Variants in CYP4X1 observed in about 807,000 individuals in gnomAD.
The protein encoded by CYP4X1 is cytochrome P450 family 4 subfamily X member 1.
In CYP4X1, 44 loss-of-function variants were observed where a neutral mutation model predicts 57.9. That is an observed-to-expected ratio of 0.76 (90% CI 0.60 to 0.98). The LOEUF (loss-of-function observed/expected upper bound fraction) is 0.98, where lower values mean the gene tolerates loss of function less well. Ranked by LOEUF, CYP4X1 falls within the 50% of genes least tolerant of loss-of-function variation. The pLI is 0.00. For synonymous variants in CYP4X1, 227 were observed against 228.6 expected, an observed-to-expected ratio of 0.99 and a Z score of 0.06; for missense variants, 532 against 623.9, an observed-to-expected ratio of 0.85 and a Z score of 1.57.
the CYP4X1 span, among the ~76,000 whole-genome samples, chr1:46,979,344 A>C: frequency 6.6e-6 from 1 of 152,234 alleles, no homozygotes; most frequent in Non-Finnish European, 1.5e-5. Flanking sequence ...AATACTATAC[A>C]CATCTCTATG....
At chr1:46,981,136 T>A in the CYP4X1 span, among the ~76,000 whole-genome samples, 1 of 151,954 alleles carries the variant, frequency 6.6e-6, no homozygotes, top group Non-Finnish European at 1.5e-5. Context: ...ACAAATGGGA[T>A]CTAATTAAAC....
At chr1:47,033,483 C>A in intron 4 of CYP4X1, 115 bp downstream of exon 4, 2 of 1,359,230 alleles carry the variant, frequency 1.5e-6, no homozygotes, top group Non-Finnish European at 2.0e-6. Context: ...AAAATTTAAC[C>A]AATGTACACG....
At chr1:47,012,332 C>T in the CYP4X1 span, among the ~76,000 whole-genome samples, 30 of 152,146 alleles carry the variant, frequency 2.0e-4, no homozygotes, top group African/African-American at 6.8e-4. Context: ...ACTGTATGTT[C>T]TCGCTTATAG....
At position 47,049,471 on chromosome 1, in the gene CYP4X1, C is replaced by A; in HGVS notation, c.1322C>A (p.Pro441His). The change falls in exon 11 of 12, where the codon CCC becomes CAC. Residue 441 changes from proline (P) to histidine (H), a missense_variant. Transcript: ENST00000371901. ...FSQENSDQRH[P>H]YAYLPFSAGS... ...CAGGAGAATTCTGATCAGAGACACCCCTATGCCTACTTACCATTCTCAGCT... is the reference window on the plus strand; with the variant it reads ...CAGGAGAATTCTGATCAGAGACACCACTATGCCTACTTACCATTCTCAGCT... 1 of 1,614,044 alleles carries A rather than the reference C, an allele frequency of 6.2e-7. No homozygotes were observed. Among genetic ancestry groups the A allele is most frequent in the Non-Finnish European group, 8.5e-7 (1 of 1,180,000 alleles).
the CYP4X1 span, among the ~76,000 whole-genome samples, chr1:46,970,633 C>T: frequency 6.6e-6 from 1 of 152,294 alleles, no homozygotes; most frequent in Middle Eastern, 3.4e-3. Context: ...GCCAGACCTG[C>T]AACAGTGGTA....
chr1:47,034,083 A>AGG (rs1347828472), intron 4 of CYP4X1, among the ~76,000 whole-genome samples: 3 of 152,236 alleles, frequency 2.0e-5, no homozygotes, highest in Non-Finnish European at 2.9e-5. Context: ...AGCAGCTATA[A>AGG]CAGCTTCAGA....
At chr1:47,019,706 A>C (rs1395506059), upstream of CYP4X1, among the ~76,000 whole-genome samples, 1 of 152,192 alleles carries the variant, frequency 6.6e-6, no homozygotes, top group Non-Finnish European at 1.5e-5. Flanking sequence ...ATTCTCATAA[A>C]TGTTAAGGTC....
chr1:47,017,153 G>C, the CYP4X1 span, among the ~76,000 whole-genome samples: 1 of 152,184 alleles, frequency 6.6e-6, no homozygotes. Context: ...AAACAGTGCT[G>C]CAACAAACAT....
the CYP4X1 span, among the ~76,000 whole-genome samples, chr1:46,982,850 C>T: frequency 7.3e-3 from 1,117 of 152,310 alleles, 13 homozygotes; most frequent in African/African-American, 0.026. Flanking sequence ...CACTACAATC[C>T]TGGAGTGAGC....
chr1:47,018,857 CTG>C (rs1407516321), upstream of CYP4X1, among the ~76,000 whole-genome samples: 1 of 152,108 alleles, frequency 6.6e-6, no homozygotes, highest in Non-Finnish European at 1.5e-5. Flanking sequence ...TCAATCCAAA[CTG>C]TAGAAAATAC....
intron 8 of CYP4X1, among the ~76,000 whole-genome samples, chr1:47,044,597 G>A (rs1031617673): frequency 5.3e-5 from 8 of 152,012 alleles, no homozygotes; most frequent in African/African-American, 1.7e-4. Flanking sequence ...TGAGATTTTT[G>A]TTTTCAATTT....
At chr1:47,028,811 G>A (rs931574597) in intron 1 of CYP4X1, among the ~76,000 whole-genome samples, 15 of 152,126 alleles carry the variant, frequency 9.9e-5, no homozygotes, top group Non-Finnish European at 1.9e-4. Context: ...ACGTGTGATA[G>A]ACAATAAATA....
intron 4 of CYP4X1, among the ~76,000 whole-genome samples, chr1:47,034,611 G>A (rs944777700): frequency 1.3e-5 from 2 of 152,086 alleles, no homozygotes; most frequent in Non-Finnish European, 2.9e-5. Context: ...GTTTGAACCC[G>A]AAGTCAGCCA....
At chr1:46,977,434 TA>T in the CYP4X1 span, among the ~76,000 whole-genome samples, 2 of 149,972 alleles carry the variant, frequency 1.3e-5, no homozygotes, top group Non-Finnish European at 3.0e-5. Context: ...GAAAAAGGAG[TA>T]AAAAGAAATG....
intron 9 of CYP4X1, 66 bp downstream of exon 9, chr1:47,046,666 G>T: frequency 1.2e-6 from 2 of 1,607,666 alleles, no homozygotes; most frequent in Non-Finnish European, 1.7e-6. Flanking sequence ...CAGTGACAAA[G>T]ATTAGTGAGT....
the CYP4X1 span, among the ~76,000 whole-genome samples, chr1:46,992,685 T>C: frequency 6.6e-6 from 1 of 152,242 alleles, no homozygotes; most frequent in African/African-American, 2.4e-5. Context: ...CTTACATCTG[T>C]TGTGAATAAT....
the CYP4X1 span, among the ~76,000 whole-genome samples, chr1:46,996,578 CA>C: frequency 2.0e-5 from 3 of 152,120 alleles, no homozygotes; most frequent in Admixed American, 6.5e-5. Flanking sequence ...AAGAGTATAA[CA>C]AAGTAATAAA....
the CYP4X1 span, among the ~76,000 whole-genome samples, chr1:46,992,812 G>A: frequency 3.9e-5 from 6 of 152,054 alleles, no homozygotes; most frequent in Admixed American, 2.0e-4. Context: ...TCTTTTTCAG[G>A]AACCACAGAT....
chr1:46,965,736 G>A, the CYP4X1 span, among the ~76,000 whole-genome samples: 1 of 152,242 alleles, frequency 6.6e-6, no homozygotes. Context: ...TACAGCAGGT[G>A]TGCTGCATTG....
Sources: gnomAD v4.1 joint callset for allele counts (sites outside exome capture counted in the v4.1 genomes callset) on GRCh38, gnomAD v4.1.1 for gene constraint, MANE v1.5 for transcripts, NCBI Gene and HGNC (gene_info 2026-07-23, HGNC 2026-07-21) for gene names.